Variants in PLA2G1B observed in about 807,000 individuals in gnomAD.
PLA2G1B encodes phospholipase A2.
Under a neutral mutation model 12.5 loss-of-function variants are expected in PLA2G1B, and 12 were observed. That is an observed-to-expected ratio of 0.96 (90% CI 0.62 to 1.56). The LOEUF is 1.56. PLA2G1B is among the 40% of genes most tolerant of loss of function. The pLI is 0.00. For synonymous variants in PLA2G1B, 81 were observed against 73.4 expected (o/e 1.10, Z -0.53); for missense variants, 189 against 186.7 (o/e 1.01, Z -0.07).
At chr12:120,323,233 C>A (rs1392484766) in intron 3 of PLA2G1B, among the ~76,000 whole-genome samples, 1 of 151,930 alleles carries the variant, frequency 6.6e-6, no homozygotes, top group Admixed American at 6.6e-5. Context: ...CTTCAGGAAT[C>A]TTATTAGTTT....
chr12:120,327,446 G>T (rs1490780755), intron 1 of PLA2G1B, among the ~76,000 whole-genome samples: 1 of 152,198 alleles, frequency 6.6e-6, no homozygotes, highest in African/African-American at 2.4e-5. Flanking sequence ...CTGAACTCCA[G>T]CCTGGGTGAT....
intron 2 of PLA2G1B, among the ~76,000 whole-genome samples, chr12:120,325,360 G>A (rs553588289): frequency 1.3e-5 from 2 of 151,928 alleles, no homozygotes; most frequent in Non-Finnish European, 2.9e-5. Context: ...CACCATGTCC[G>A]GCTAATTTTT....
At chr12:120,327,619 G>T in intron 1 of PLA2G1B, 101 bp downstream of exon 1, 1 of 1,145,544 alleles carries the variant, frequency 8.7e-7, no homozygotes, top group Non-Finnish European at 1.3e-6. Context: ...TGCGGGGCTG[G>T]CCATCCCTGT....
In PLA2G1B at chr12:120,324,962, C is replaced by T. The variant is rs5637; in HGVS notation, c.294G>A (p.Ser98=). ...DNPYTHTYSY[S]CSGSAITCSS... ...TACAGGTGATTGCCGAGCCAGAGCA[C>T]GAGTATGAATAGGTGTGGGTGTACG... The change falls in exon 3 of 4, where the codon TCG becomes TCA. Residue 98 remains serine (S), a synonymous_variant. Transcript: ENST00000308366. 256,713 of 1,613,216 alleles carry T rather than the reference C, an allele frequency of 0.16. 23,531 individuals are homozygous for T. The highest frequency in any genetic ancestry group is 0.41 in the African/African-American group (30,644 of 74,844).
In PLA2G1B at chr12:120,325,047, T is replaced by C; in HGVS notation, c.209A>G (p.His70Arg). 1 of 1,614,036 alleles carries C rather than the reference T, an allele frequency of 6.2e-7. No homozygotes were observed. Among genetic ancestry groups the C allele is most frequent in the Non-Finnish European group, 8.5e-7 (1 of 1,179,998 alleles). Residue 70 changes from histidine to arginine, a missense_variant, in exon 3 of 4, where the codon CAT becomes CGT. Coordinates refer to ENST00000308366, the MANE Select transcript of PLA2G1B (RefSeq NM_000928.3). ...VDELDKCCQT[H>R]DNCYDQAKKL... is the part of the protein sequence containing the mutation. Reference sequence around the variant, plus strand: ...CTTGGCCTGGTCATAGCAGTTGTCATGTGTCTGGCAGCACCTGGAAAGTGG... The same window carrying C: ...CTTGGCCTGGTCATAGCAGTTGTCACGTGTCTGGCAGCACCTGGAAAGTGG...
chr12:120,325,736 G>A, intron 2 of PLA2G1B, 125 bp downstream of exon 2: 1 of 871,854 alleles, frequency 1.1e-6, no homozygotes, highest in South Asian at 1.7e-5. Flanking sequence ...TATTTGACAA[G>A]AGGTGAAAAT....
rs761322153 is a variant in PLA2G1B, at chr12:120,326,032, C to T, written c.35-12G>A. 5.6e-6 allele frequency: 9 copies of T among 1,613,122 alleles called. No homozygotes were observed. Among genetic ancestry groups the T allele is most frequent in the Non-Finnish European group, 7.6e-6 (9 of 1,179,896 alleles). ...GTCGGCGGCGGCCACTGCAAGAAGA[C>T]ATAGCCAGAGTTCAAATCGGTCTGC... On this transcript the variant is annotated splice_polypyrimidine_tract_variant and intron_variant, in intron 1 of 3. Coordinates refer to ENST00000308366, the MANE Select transcript of PLA2G1B (RefSeq NM_000928.3).
intron 3 of PLA2G1B, among the ~76,000 whole-genome samples, chr12:120,323,552 C>T: frequency 6.6e-6 from 1 of 152,112 alleles, no homozygotes; most frequent in Non-Finnish European, 1.5e-5. Context: ...AGGCTTGAGT[C>T]ACTGTGCCCA....
rs994915499 is a variant in PLA2G1B, at chr12:120,322,349, A to G, written c.323-32T>C. 3 of 1,605,912 alleles carry G rather than the reference A, an allele frequency of 1.9e-6. No individual in the cohort carries two copies. The African/African-American group carries it at 4.0e-5, about 22-fold the overall frequency. ...AGGGATGAAAGGAGAGGACTGAGCC[A>G]AGGTGGACCCTGTTTTGTACAATCT... On this transcript the variant is annotated intron_variant, in intron 3 of 3. Coordinates refer to ENST00000308366, the MANE Select transcript of PLA2G1B (RefSeq NM_000928.3).
chr12:120,322,276 G>A lies in PLA2G1B; in HGVS notation c.364C>T (p.Arg122Cys), dbSNP rs373224402. The A allele has an allele frequency of 9.9e-6, 16 of 1,613,768 alleles. No homozygotes were observed. The highest frequency in any genetic ancestry group is 7.7e-5 in the South Asian group (7 of 91,076). ...TTTGAAAAGCAGATGGCAGCGTTGC[G>A]GTCGCAGTTGCAAATGAAGGCCTCA... Reference protein sequence around the residue: ...ECEAFICNCDRNAAICFSKAP... With the variant: ...ECEAFICNCDCNAAICFSKAP... Residue 122 changes from arginine (R) to cysteine (C), a missense_variant, in exon 4 of 4, where the codon CGC becomes TGC. Physicochemically the swap from Arg to Cys is radical, Grantham distance 180. Transcript: ENST00000308366.
rs747860674 is a variant in PLA2G1B, at chr12:120,327,740, A to G, written c.14T>C (p.Val5Ala). The change falls in exon 1 of 4, where the codon GTG (valine) becomes GCG (alanine). Residue 5 changes from valine to alanine, a missense_variant. Transcript: ENST00000308366. MKLL[V>A]LAVLLTVAAA... The stretch of plus-strand genomic sequence containing the variant: ...CCTACCTGTGAGCAGCACAGCTAGC[A>G]CAAGGAGTTTCATCTTGCAGTCAAG... 2 of 1,613,962 alleles carry G rather than the reference A, an allele frequency of 1.2e-6. No individual in the cohort carries two copies. Among genetic ancestry groups the G allele is most frequent in the African/African-American group, 2.7e-5 (2 of 74,940 alleles).
chr12:120,325,402 G>A (rs9657931), intron 2 of PLA2G1B, among the ~76,000 whole-genome samples: 183 of 152,136 alleles, frequency 1.2e-3, no homozygotes, highest in African/African-American at 4.3e-3. Flanking sequence ...GTTTCACCAT[G>A]TTGGCCAGGC....
intron 3 of PLA2G1B, among the ~76,000 whole-genome samples, chr12:120,323,438 G>C (rs1873276404): frequency 1.3e-5 from 2 of 152,072 alleles, no homozygotes; most frequent in East Asian, 3.9e-4. Flanking sequence ...GCTAATTTTT[G>C]TATTTTTAGT....
chr12:120,326,218 T>A, intron 1 of PLA2G1B, 198 bp from the exon 2 acceptor site: 3 of 432,056 alleles, frequency 6.9e-6, no homozygotes, highest in Non-Finnish European at 1.2e-5. Flanking sequence ...TTTATATATA[T>A]AAAGTTTATA....
At chr12:120,323,370 A>G (rs1370873785) in intron 3 of PLA2G1B, among the ~76,000 whole-genome samples, 1 of 151,934 alleles carries the variant, frequency 6.6e-6, no homozygotes, top group Non-Finnish European at 1.5e-5. Flanking sequence ...GGTTCAAGCA[A>G]TTCTCTTGCC....
intron 3 of PLA2G1B, 73 bp from the exon 4 acceptor site, chr12:120,322,390 A>C (rs1873254323): frequency 6.3e-6 from 9 of 1,428,960 alleles, no homozygotes; most frequent in Non-Finnish European, 8.7e-6. Flanking sequence ...AAGAAGAATT[A>C]ACTGGAATAA....
At chr12:120,322,453 C>A in intron 3 of PLA2G1B, 136 bp from the exon 4 acceptor site, 1 of 739,374 alleles carries the variant, frequency 1.4e-6, no homozygotes, top group Non-Finnish European at 2.2e-6. Flanking sequence ...TAAGTGAATA[C>A]AAGTACATCA....
intron 1 of PLA2G1B, among the ~76,000 whole-genome samples, chr12:120,326,349 T>G (rs1277369540): frequency 6.8e-6 from 1 of 147,000 alleles, no homozygotes; most frequent in Non-Finnish European, 1.5e-5. Flanking sequence ...TGATAGTTTT[T>G]TTTTTTTTTT....
At chr12:120,322,773 G>C (rs957742781) in intron 3 of PLA2G1B, among the ~76,000 whole-genome samples, 1 of 151,874 alleles carries the variant, frequency 6.6e-6, no homozygotes, top group Admixed American at 6.6e-5. Context: ...TTTTATTAGA[G>C]AGGGTGTTTC....
Sources: allele counts gnomAD v4.1 joint callset (sites outside exome capture counted in the v4.1 genomes callset), GRCh38; gene constraint gnomAD v4.1.1; transcripts MANE v1.5; gene names NCBI Gene and HGNC (gene_info 2026-07-23, HGNC 2026-07-21).